The following PPM1H variants were observed in gnomAD, a reference collection of about 807,000 sequenced individuals.
The protein encoded by PPM1H is protein phosphatase, Mg2+/Mn2+ dependent 1H.
A neutral mutation model predicts 54.9 loss-of-function variants in PPM1H; 27 were observed. That is an observed-to-expected ratio of 0.49 (90% CI 0.36 to 0.68). The LOEUF (loss-of-function observed/expected upper bound fraction) is 0.68. Among genes scored for constraint, PPM1H ranks in the 30% least tolerant of loss-of-function variants. PPM1H has a pLI of 0.00. For missense variants in PPM1H, 596 were observed against 667.8 expected, an observed-to-expected ratio of 0.89 and a Z score of 1.19; for synonymous variants, 305 against 270.8, an observed-to-expected ratio of 1.13 and a Z score of -1.24.
At chr12:62,871,319 GAA>G (rs562547244) in intron 1 of PPM1H, among the ~76,000 whole-genome samples, 44 of 152,202 alleles carry the variant, frequency 2.9e-4, no homozygotes, top group African/African-American at 8.2e-4. Context: ...CTATTTATAT[GAA>G]ATGTTCAGAA....
At chr12:62,867,143 A>G (rs1224392432) in intron 1 of PPM1H, among the ~76,000 whole-genome samples, 1 of 152,136 alleles carries the variant, frequency 6.6e-6, no homozygotes, top group Non-Finnish European at 1.5e-5. Context: ...CTGTCTCCTG[A>G]TTATGAAGAG....
At chr12:62,783,509 C>A (rs531802780) in intron 4 of PPM1H, among the ~76,000 whole-genome samples, 2 of 152,324 alleles carry the variant, frequency 1.3e-5, no homozygotes, top group East Asian at 3.9e-4. Context: ...TGGACAAGAT[C>A]GAACTCCCAG....
chr12:62,659,425 A>G (rs916582605), intron 9 of PPM1H, among the ~76,000 whole-genome samples: 5 of 152,170 alleles, frequency 3.3e-5, no homozygotes, highest in Non-Finnish European at 7.4e-5. Flanking sequence ...CATACAGCTC[A>G]TTTTTACTCC....
chr12:62,757,600 A>T (rs1042543481), intron 4 of PPM1H, among the ~76,000 whole-genome samples: 4 of 152,196 alleles, frequency 2.6e-5, no homozygotes, highest in Non-Finnish European at 5.9e-5. Flanking sequence ...ACCATCATAG[A>T]TCTACTATTT....
chr12:62,925,556 T>G (rs1871947640), intron 1 of PPM1H, among the ~76,000 whole-genome samples: 1 of 152,210 alleles, frequency 6.6e-6, no homozygotes, highest in African/African-American at 2.4e-5. Flanking sequence ...TCAACCTGGG[T>G]GACAGAGCGA....
chr12:62,749,101 C>T (rs2076427459), intron 4 of PPM1H, among the ~76,000 whole-genome samples: 1 of 152,192 alleles, frequency 6.6e-6, no homozygotes, highest in East Asian at 1.9e-4. Context: ...GCCACCCTTA[C>T]TACTTCTCTT....
At chr12:62,673,883 T>C (rs993643506) in intron 8 of PPM1H, among the ~76,000 whole-genome samples, 2 of 151,476 alleles carry the variant, frequency 1.3e-5, no homozygotes, top group Non-Finnish European at 2.9e-5. Flanking sequence ...ACACCACCTA[T>C]ACTTTTTTAC....
At chr12:62,836,322 A>G (rs962443271) in intron 1 of PPM1H, among the ~76,000 whole-genome samples, 3 of 152,262 alleles carry the variant, frequency 2.0e-5, no homozygotes, top group African/African-American at 7.2e-5. Context: ...CAGGTGCTCA[A>G]CAAATGTTTA....
At chr12:62,881,332 G>T (rs1239668905) in intron 1 of PPM1H, among the ~76,000 whole-genome samples, 4 of 151,966 alleles carry the variant, frequency 2.6e-5, no homozygotes, top group East Asian at 1.9e-4. Context: ...TGTAATTAAA[G>T]TCCCTAATCA....
At chr12:62,782,672 G>A (rs1462881267) in intron 4 of PPM1H, among the ~76,000 whole-genome samples, 1 of 152,140 alleles carries the variant, frequency 6.6e-6, no homozygotes, top group African/African-American at 2.4e-5. Context: ...GAGTCTGTGG[G>A]CTCAATTCAA....
intron 2 of PPM1H, among the ~76,000 whole-genome samples, chr12:62,825,583 G>A (rs778398230): frequency 2.6e-5 from 4 of 152,172 alleles, no homozygotes; most frequent in Non-Finnish European, 4.4e-5. Context: ...GTCCTTTGCA[G>A]GGACATGGAT....
intron 4 of PPM1H, among the ~76,000 whole-genome samples, chr12:62,765,287 A>G (rs531524113): frequency 5.3e-5 from 8 of 152,214 alleles, no homozygotes; most frequent in Non-Finnish European, 1.0e-4. Flanking sequence ...AGCTGGGCAC[A>G]GTGGGGTGGA....
intron 1 of PPM1H, among the ~76,000 whole-genome samples, chr12:62,849,061 A>G (rs564689804): frequency 6.6e-6 from 1 of 152,236 alleles, no homozygotes; most frequent in South Asian, 2.1e-4. Flanking sequence ...AATGGTTGGG[A>G]ATAGAAAAGA....
At chr12:62,691,802 C>T (rs1237499277) in intron 7 of PPM1H, among the ~76,000 whole-genome samples, 2 of 131,806 alleles carry the variant, frequency 1.5e-5, no homozygotes, top group African/African-American at 6.4e-5. Context: ...CAGCCTGATG[C>T]CATGTCTCAA....
intron 1 of PPM1H, among the ~76,000 whole-genome samples, chr12:62,877,669 G>A (rs1195829357): frequency 6.6e-6 from 1 of 151,974 alleles, no homozygotes; most frequent in Non-Finnish European, 1.5e-5. Flanking sequence ...CTCAGACCCC[G>A]GACTGCTTGC....
chr12:62,785,845 T>A (rs1407204801), intron 4 of PPM1H, among the ~76,000 whole-genome samples: 3 of 135,890 alleles, frequency 2.2e-5, no homozygotes, highest in Non-Finnish European at 3.1e-5. Context: ...TGAAGGAAAC[T>A]ACGTTTAAAA....
At chr12:62,878,771 C>G (rs1045805033) in intron 1 of PPM1H, among the ~76,000 whole-genome samples, 2 of 151,840 alleles carry the variant, frequency 1.3e-5, no homozygotes, top group Non-Finnish European at 2.9e-5. Flanking sequence ...GAAACCCCAT[C>G]TCTACTAAAA....
chr12:62,663,806 A>G (rs2075900171), intron 9 of PPM1H, among the ~76,000 whole-genome samples: 1 of 152,136 alleles, frequency 6.6e-6, no homozygotes, highest in Non-Finnish European at 1.5e-5. Context: ...AGCCTGACCA[A>G]CATGGAGAAA....
At chr12:62,760,292 C>T (rs1017198128) in intron 4 of PPM1H, among the ~76,000 whole-genome samples, 9 of 152,120 alleles carry the variant, frequency 5.9e-5, no homozygotes, top group Admixed American at 1.3e-4. Context: ...CAGTGAGACT[C>T]GTCCCAAATC....
Sources: allele counts gnomAD v4.1 joint callset (sites outside exome capture counted in the v4.1 genomes callset), GRCh38; gene constraint gnomAD v4.1.1; transcripts MANE v1.5; gene names NCBI Gene and HGNC (gene_info 2026-07-23, HGNC 2026-07-21).